Variants in NPIPB2 observed in about 807,000 individuals in gnomAD.
The protein encoded by NPIPB2 is nuclear pore complex interacting protein family member B2, also known as nuclear pore complex-interacting protein family member B2.
Under a neutral mutation model 30.8 loss-of-function variants are expected in NPIPB2, and 27 were observed. The observed-to-expected ratio is 0.88, with a 90% CI of 0.65 to 1.21. The LOEUF is 1.21. Among genes scored for constraint, NPIPB2 ranks in the 50% most tolerant of loss-of-function variants. The probability of loss-of-function intolerance (pLI) is 0.00; values close to 1 mark genes in which losing one functional copy is unlikely to be tolerated. For missense variants in NPIPB2, 440 were observed against 446.2 expected, an observed-to-expected ratio of 0.99 and a Z score of 0.13; for synonymous variants, 147 against 162.0, an observed-to-expected ratio of 0.91 and a Z score of 0.70.
chr16:11,936,926 C>T lies in NPIPB2; in HGVS notation c.192+614G>A, dbSNP rs573247700. On this transcript the variant is annotated intron_variant, in intron 2 of 7. Transcript: ENST00000399147. ...CCTCGTCCCTATGACCTCAGAGGAACTTTGTCTCAGGCCAATTGTTTGTTC... is the reference window on the plus strand; with the variant it reads ...CCTCGTCCCTATGACCTCAGAGGAATTTTGTCTCAGGCCAATTGTTTGTTC... 7.2e-5 allele frequency among the ~76,000 whole-genome samples: 11 copies of T among 151,894 alleles called. 2 individuals carry two copies. In the South Asian group the frequency reaches 1.3e-3, roughly 17 times the overall value.
At chr16:11,962,792 G>A (rs972207954) in intron 1 of NPIPB2, among the ~76,000 whole-genome samples, 1 of 152,082 alleles carries the variant, frequency 6.6e-6, no homozygotes, top group East Asian at 1.9e-4. Flanking sequence ...TCAGTGGCTG[G>A]GCGCGGTGGC....
At chr16:11,963,538 T>C (rs2055169923) in intron 1 of NPIPB2, among the ~76,000 whole-genome samples, 1 of 152,106 alleles carries the variant, frequency 6.6e-6, no homozygotes, top group Non-Finnish European at 1.5e-5. Context: ...CAAATATCAA[T>C]GTATCCACCA....
At chr16:11,970,277 A>G (rs1003822597) in intron 1 of NPIPB2, among the ~76,000 whole-genome samples, 6 of 152,158 alleles carry the variant, frequency 3.9e-5, no homozygotes, top group South Asian at 4.1e-4. Context: ...CAGTTGTGCT[A>G]TCTGAGCTCA....
chr16:11,961,606 C>G (rs2055153769), intron 1 of NPIPB2, among the ~76,000 whole-genome samples: 1 of 151,330 alleles, frequency 6.6e-6, no homozygotes, highest in African/African-American at 2.4e-5. Context: ...ATACTGAAAC[C>G]CCGTCTCTAC....
At chr16:11,968,628 C>G (rs1455703279) in intron 1 of NPIPB2, 12 of 152,138 alleles carry the variant, frequency 7.9e-5, no homozygotes, top group Non-Finnish European at 1.5e-5. Context: ...CAGCCCTAGT[C>G]TGGGCTGTAA....
At chr16:11,976,629 T>G (rs446289) in exon 1 of NPIPB2, 170,850 of 386,584 alleles carry the variant, frequency 0.44, 41,937 homozygotes, top group Non-Finnish European at 0.53. Flanking sequence ...GCGACTTGGA[T>G]CTGCGCCGCG....
chr16:11,941,265 C>A, intron 1 of NPIPB2: 1 of 1,493,390 alleles, frequency 6.7e-7, no homozygotes. Flanking sequence ...TTCAGGGCGC[C>A]CTGAGGCGGC....
chr16:11,941,752 C>A, intron 1 of NPIPB2: 1 of 890,534 alleles, frequency 1.1e-6, no homozygotes, highest in South Asian at 1.4e-5. Flanking sequence ...TGCCAAGTAG[C>A]GCCCGCATCA....
chr16:11,941,244 G>C, intron 1 of NPIPB2: 2 of 1,521,916 alleles, frequency 1.3e-6, no homozygotes, highest in Non-Finnish European at 1.8e-6. Flanking sequence ...GCACCCGCAT[G>C]TCCTGGTCCT....
chr16:11,962,560 T>A (rs2055161247), intron 1 of NPIPB2, among the ~76,000 whole-genome samples: 1 of 135,524 alleles, frequency 7.4e-6, no homozygotes, highest in Non-Finnish European at 1.5e-5. Context: ...TGCAGTGAGC[T>A]GAGATAGCGC....
At chr16:11,972,852 G>C (rs2150946213) in intron 1 of NPIPB2, among the ~76,000 whole-genome samples, 1 of 144,000 alleles carries the variant, frequency 6.9e-6, no homozygotes, top group African/African-American at 2.6e-5. Context: ...AACAGAGCGA[G>C]ATTCGGACTC....
intron 1 of NPIPB2, among the ~76,000 whole-genome samples, chr16:11,961,504 G>A (rs145438925): frequency 5.5e-4 from 83 of 152,292 alleles, no homozygotes; most frequent in African/African-American, 1.9e-3. Flanking sequence ...AAGAGGCCAG[G>A]CGCAGTGGCT....
At chr16:11,964,343 A>T (rs1370508440) in intron 1 of NPIPB2, among the ~76,000 whole-genome samples, 1 of 151,624 alleles carries the variant, frequency 6.6e-6, no homozygotes, top group African/African-American at 2.4e-5. Flanking sequence ...ACGAGCTCTT[A>T]CCCTAAATGT....
chr16:11,942,539 G>A (rs886848328), upstream of NPIPB2, among the ~76,000 whole-genome samples: 1 of 151,844 alleles, frequency 6.6e-6, no homozygotes, highest in Non-Finnish European at 1.5e-5. Context: ...TCATCTTACT[G>A]CCCGTGTGTG....
chr16:11,951,284 G>C (rs1253238957), intron 1 of NPIPB2, among the ~76,000 whole-genome samples: 2 of 150,530 alleles, frequency 1.3e-5, no homozygotes, highest in African/African-American at 4.9e-5. Flanking sequence ...GTGAAACCCC[G>C]TCTCTACTAA....
chr16:11,938,736 T>A (rs2054900030), intron 1 of NPIPB2, among the ~76,000 whole-genome samples: 1 of 152,212 alleles, frequency 6.6e-6, no homozygotes, highest in African/African-American at 2.4e-5. Flanking sequence ...ACAAGCTAAG[T>A]ATAAAGTAAT....
exon 8 of NPIPB2, chr16:11,927,680 T>C (rs1567462000): frequency 1.9e-6 from 3 of 1,594,152 alleles, no homozygotes; most frequent in Non-Finnish European, 2.5e-6. Flanking sequence ...TGTCTTGAGA[T>C]TATCATCCGC....
At chr16:11,963,375 C>T (rs1269484563) in intron 1 of NPIPB2, among the ~76,000 whole-genome samples, 5 of 138,040 alleles carry the variant, frequency 3.6e-5, no homozygotes, top group Non-Finnish European at 6.1e-5. Context: ...AGTGAAACTC[C>T]AGCTCAAAAA....
chr16:11,948,217 G>A (rs1388053868), intron 1 of NPIPB2, among the ~76,000 whole-genome samples: 1 of 151,818 alleles, frequency 6.6e-6, no homozygotes, highest in African/African-American at 2.4e-5. Context: ...AGTTCCAGGT[G>A]AACTGGGAAG....
Sources: gnomAD v4.1 joint callset for allele counts (sites outside exome capture counted in the v4.1 genomes callset) on GRCh38, gnomAD v4.1.1 for gene constraint, MANE v1.5 for transcripts, NCBI Gene and HGNC (gene_info 2026-07-23, HGNC 2026-07-21) for gene names.